WNT7A: variants seen among roughly 807,000 people sequenced by gnomAD.
WNT7A encodes the protein Wnt family member 7A.
Under a neutral mutation model 28.2 loss-of-function variants are expected in WNT7A, and 16 were observed. The observed-to-expected ratio is 0.57, with a 90% confidence interval of 0.38 to 0.86. The LOEUF (loss-of-function observed/expected upper bound fraction) is 0.86. WNT7A is among the 40% of genes least tolerant of loss of function. WNT7A has a pLI of 0.00. For missense variants in WNT7A, 411 were observed against 489.7 expected (o/e 0.84, Z 1.52); for synonymous variants, 190 against 195.9 (o/e 0.97, Z 0.25).
intron 2 of WNT7A, among the ~76,000 whole-genome samples, chr3:13,860,192 T>C (rs1559304260): frequency 1.3e-5 from 2 of 150,128 alleles, no homozygotes; most frequent in African/African-American, 2.5e-5. Flanking sequence ...TCATTCCCCA[T>C]GGTTTTACAG....
At chr3:13,863,387 T>C (rs898711639) in intron 2 of WNT7A, among the ~76,000 whole-genome samples, 3 of 148,340 alleles carry the variant, frequency 2.0e-5, no homozygotes, top group Non-Finnish European at 3.0e-5. Flanking sequence ...TGAATGTGCA[T>C]GTGAAAGCAA....
rs550462874 is a variant in WNT7A at position 13,878,368 on chromosome 3, T to C, written c.71+1378A>G. The stretch of plus-strand genomic sequence containing the variant: ...TCGGCCCTACTGGCTTCCTGGATGC[T>C]GAATGTGCGCGGGGCGGCGGGGCGC... On this transcript the variant is annotated intron_variant, in intron 1 of 3. Transcript: ENST00000285018. Among the ~76,000 whole-genome samples the C allele has an allele frequency of 2.0e-5, 3 of 152,170 alleles. No individual in the cohort carries two copies. The East Asian group carries it at 5.8e-4, about 30-fold the overall frequency.
intron 1 of WNT7A, among the ~76,000 whole-genome samples, chr3:13,876,446 G>C (rs1207752314): frequency 6.6e-6 from 1 of 152,230 alleles, no homozygotes; most frequent in African/African-American, 2.4e-5. Flanking sequence ...GACCTGTGGG[G>C]TGCCAGAGCA....
chr3:13,875,221 C>T (rs952771165), intron 1 of WNT7A, 48 bp from the exon 2 acceptor site: 7 of 1,599,396 alleles, frequency 4.4e-6, no homozygotes, highest in Non-Finnish European at 6.0e-6. Flanking sequence ...AGCAAGGGGG[C>T]ATGGCCTGGG....
intron 3 of WNT7A, among the ~76,000 whole-genome samples, chr3:13,823,025 C>A (rs1267999901): frequency 6.6e-6 from 1 of 152,220 alleles, no homozygotes; most frequent in African/African-American, 2.4e-5. Context: ...AGCCTGCTAG[C>A]CCTGCACACT....
chr3:13,871,988 C>G (rs1264679992), intron 2 of WNT7A, among the ~76,000 whole-genome samples: 1 of 152,110 alleles, frequency 6.6e-6, no homozygotes, highest in Non-Finnish European at 1.5e-5. Context: ...GTTCCTTAAG[C>G]CACCCCCAAG....
In WNT7A at chr3:13,873,877, G is replaced by T. The variant is rs79264680; in HGVS notation, c.298+1070C>A. Among the ~76,000 whole-genome samples, 1,104 of 152,288 alleles carry T rather than the reference G, an allele frequency of 7.2e-3. 13 individuals carry two copies. The highest frequency in any genetic ancestry group is 0.025 in the African/African-American group (1,028 of 41,568). ...ACAAGGCTGAGTGAGCAAGGTGAAG[G>T]GGGAAGATGGCAGCAGAGGTCAGCA... On this transcript the variant is annotated intron_variant, in intron 2 of 3. Coordinates refer to ENST00000285018, the MANE Select transcript of WNT7A (RefSeq NM_004625.4).
chr3:13,861,282 C>T (rs939788177), intron 2 of WNT7A, among the ~76,000 whole-genome samples: 7 of 152,236 alleles, frequency 4.6e-5, no homozygotes, highest in African/African-American at 1.7e-4. Context: ...TGTGAAGGAC[C>T]TGCCCCTCCC....
rs769548743 is a variant in WNT7A at position 13,879,845 on chromosome 3, C to G, written c.-29G>C. On this transcript the variant is annotated 5_prime_UTR_variant, in exon 1 of 4. Transcript: ENST00000285018. Reference sequence around the variant, plus strand: ...CCCGATTGGCCGCCGGGGCCGCGGGCCGGGCTGTGCTGATCCCGCGGGCCG... The same window carrying G: ...CCCGATTGGCCGCCGGGGCCGCGGGGCGGGCTGTGCTGATCCCGCGGGCCG... 39 of 1,592,722 alleles carry G rather than the reference C, an allele frequency of 2.4e-5. No individual in the cohort carries two copies. The highest frequency in any genetic ancestry group is 3.3e-5 in the Non-Finnish European group (39 of 1,168,462).
At chr3:13,824,925 T>G (rs1054042067) in intron 3 of WNT7A, among the ~76,000 whole-genome samples, 2 of 152,126 alleles carry the variant, frequency 1.3e-5, no homozygotes, top group African/African-American at 2.4e-5. Flanking sequence ...GGCACATCTA[T>G]GAGTTGGAAT....
intron 3 of WNT7A, among the ~76,000 whole-genome samples, chr3:13,821,208 G>A (rs1694104512): frequency 2.0e-5 from 3 of 152,212 alleles, no homozygotes; most frequent in Non-Finnish European, 4.4e-5. Flanking sequence ...ATGCACTCAG[G>A]CCCAGTTGAG....
chr3:13,861,977 T>TGAC (rs1694838349), intron 2 of WNT7A, among the ~76,000 whole-genome samples: 1 of 152,102 alleles, frequency 6.6e-6, no homozygotes, highest in South Asian at 2.1e-4. Flanking sequence ...CCTCCTGTGA[T>TGAC]ATCCCAGGTG....
intron 2 of WNT7A, among the ~76,000 whole-genome samples, chr3:13,861,617 A>G (rs1053919317): frequency 1.6e-4 from 24 of 152,194 alleles, no homozygotes; most frequent in African/African-American, 5.5e-4. Flanking sequence ...AGAAGGCATC[A>G]GGCCAAGGGG....
intron 1 of WNT7A, among the ~76,000 whole-genome samples, chr3:13,878,989 C>T (rs1695160730): frequency 6.6e-6 from 1 of 152,190 alleles, no homozygotes; most frequent in Non-Finnish European, 1.5e-5. Context: ...GAGGGCTGCT[C>T]GCGCGCCCGG....
chr3:13,863,851 T>C (rs1278758929), intron 2 of WNT7A: 6 of 152,158 alleles, frequency 3.9e-5, no homozygotes. Flanking sequence ...GGAGTCCTTT[T>C]TGCAGAGTGT....
chr3:13,845,535 A>G (rs1286595475), intron 3 of WNT7A, among the ~76,000 whole-genome samples: 1 of 152,126 alleles, frequency 6.6e-6, no homozygotes, highest in African/African-American at 2.4e-5. Context: ...ATAATACTCT[A>G]TAGCGCTATT....
At chr3:13,875,800 G>A (rs998708930) in intron 1 of WNT7A, 1 of 156,470 alleles carries the variant, frequency 6.4e-6, no homozygotes, top group Admixed American at 6.1e-5. Context: ...ATCCCACTCC[G>A]GGCATGACTG....
chr3:13,840,720 A>G (rs1694444082), intron 3 of WNT7A, among the ~76,000 whole-genome samples: 1 of 152,008 alleles, frequency 6.6e-6, no homozygotes, highest in Non-Finnish European at 1.5e-5. Context: ...CCATCTATTC[A>G]TTCATATTCC....
intron 3 of WNT7A, among the ~76,000 whole-genome samples, chr3:13,850,249 C>A (rs1694607258): frequency 1.3e-5 from 2 of 152,180 alleles, no homozygotes; most frequent in Admixed American, 1.3e-4. Flanking sequence ...AGGCCCTCGA[C>A]ATGCCACCAC....
Sources: allele counts gnomAD v4.1 joint callset (sites outside exome capture counted in the v4.1 genomes callset), GRCh38; gene constraint gnomAD v4.1.1; transcripts MANE v1.5; gene names NCBI Gene and HGNC (gene_info 2026-07-23, HGNC 2026-07-21).